Variants in ARHGAP8 observed in about 807,000 individuals in gnomAD.
ARHGAP8 encodes the protein Rho GTPase activating protein 8, also known as rho GTPase-activating protein 8.
A neutral mutation model predicts 46.1 loss-of-function variants in ARHGAP8; 62 were observed. The observed-to-expected ratio is 1.34, with a 90% CI of 1.10 to 1.66. The LOEUF is 1.66. ARHGAP8 is among the 40% of genes most tolerant of loss of function. ARHGAP8 has a pLI of 0.00. For missense variants in ARHGAP8, 923 were observed against 568.4 expected (o/e 1.62, Z -6.34); for synonymous variants, 375 against 243.1 (o/e 1.54, Z -5.05).
chr22:44,851,518 T>C (rs893241698), intron 10 of ARHGAP8, among the ~76,000 whole-genome samples: 2 of 152,082 alleles, frequency 1.3e-5, no homozygotes, highest in African/African-American at 4.8e-5. Flanking sequence ...GGAACCTTTA[T>C]GAAAATGAAG....
chr22:44,816,898 T>G (rs1929790986), intron 5 of ARHGAP8, among the ~76,000 whole-genome samples: 1 of 150,446 alleles, frequency 6.6e-6, no homozygotes, highest in South Asian at 2.1e-4. Flanking sequence ...TTTTTTTTTT[T>G]TTTTGAGACG....
chr22:44,771,798 AC>A (rs1477753961), intron 1 of ARHGAP8, among the ~76,000 whole-genome samples: 8 of 150,772 alleles, frequency 5.3e-5, no homozygotes, highest in Admixed American at 5.3e-4. Flanking sequence ...CAGGTGATCC[AC>A]CCGCCTCGGC....
At chr22:44,811,457 A>G (rs963714856) in intron 4 of ARHGAP8, among the ~76,000 whole-genome samples, 3 of 152,230 alleles carry the variant, frequency 2.0e-5, no homozygotes, top group Non-Finnish European at 4.4e-5. Flanking sequence ...AACCTTGGCC[A>G]GAGGGGACTA....
chr22:44,859,074 C>T (rs575897657), intron 10 of ARHGAP8, among the ~76,000 whole-genome samples: 5 of 150,778 alleles, frequency 3.3e-5, no homozygotes, highest in Admixed American at 2.6e-4. Context: ...GTTTGCCAAC[C>T]CCTGGTCTAG....
Position 44,847,977 on chromosome 22 carries a change from G to A in ARHGAP8, c.675G>A (p.Leu225=). ...FTVTYLREKG[L]RTEGLFRRSA... Reference sequence around the variant, plus strand: ...CTGGAAGCTCCTCTCCTGCAGGCCTGCGCACCGAGGGCCTGTTCCGGAGAT... The same window carrying A: ...CTGGAAGCTCCTCTCCTGCAGGCCTACGCACCGAGGGCCTGTTCCGGAGAT... Residue 225 remains leucine, a synonymous_variant, in exon 9 of 12, where the codon CTG becomes CTA. Transcript: ENST00000356099. The A allele has an allele frequency of 6.2e-7, 1 of 1,607,388 alleles. No individual in the cohort carries two copies.
At chr22:44,821,001 T>C (rs1207899459) in intron 5 of ARHGAP8, among the ~76,000 whole-genome samples, 1 of 151,968 alleles carries the variant, frequency 6.6e-6, no homozygotes, top group Non-Finnish European at 1.5e-5. Context: ...TTTCACAAAA[T>C]AAACGACATT....
intron 7 of ARHGAP8, among the ~76,000 whole-genome samples, chr22:44,827,141 A>C (rs967049985): frequency 2.0e-5 from 3 of 151,996 alleles, no homozygotes; most frequent in African/African-American, 7.3e-5. Flanking sequence ...TCAGAGTCAG[A>C]GAGGAGATGT....
chr22:44,780,303 G>C (rs533259647), intron 1 of ARHGAP8, among the ~76,000 whole-genome samples: 1 of 152,096 alleles, frequency 6.6e-6, no homozygotes, highest in Non-Finnish European at 1.5e-5. Flanking sequence ...GCTGCAGTGA[G>C]CTGTGATTGC....
intron 7 of ARHGAP8, among the ~76,000 whole-genome samples, chr22:44,830,063 G>A (rs566214070): frequency 1.2e-4 from 17 of 143,592 alleles, no homozygotes; most frequent in Non-Finnish European, 2.2e-4. Flanking sequence ...TCACTCTGTC[G>A]CCCAGGCTGG....
chr22:44,822,410 G>T lies in ARHGAP8; in HGVS notation c.426G>T (p.Leu142=). 6.3e-7 allele frequency: 1 copy of T among 1,583,146 alleles called. No homozygotes were observed. The highest frequency in any genetic ancestry group is 8.5e-7 in the Non-Finnish European group (1 of 1,170,186). ...AGAAAGTCATCTATTTCAACTACCT[G>T]AGTGAGCTCCACGAACACCTTAAAT... ...FGKKVIYFNY[L]SELHEHLKYD... The change falls in exon 6 of 12, where the codon CTG becomes CTT. Residue 142 remains leucine, a synonymous_variant. Transcript: ENST00000356099.
In ARHGAP8 at chr22:44,787,762, C is replaced by T. The variant is rs556922518; in HGVS notation, c.79+1156C>T. Among the ~76,000 whole-genome samples the T allele has an allele frequency of 2.6e-5, 4 of 152,144 alleles. No individual in the cohort carries two copies. In the East Asian group the frequency reaches 7.7e-4, roughly 29 times the overall value. On this transcript the variant is annotated intron_variant, in intron 2 of 11. Coordinates refer to ENST00000356099, the MANE Select transcript of ARHGAP8 (RefSeq NM_181335.3). Reference sequence around the variant, plus strand: ...ATCATTAGCTGTCATCTCTGAGGGGCCTGGAATCTTGTCAAGGTAATAATA... The same window carrying T: ...ATCATTAGCTGTCATCTCTGAGGGGTCTGGAATCTTGTCAAGGTAATAATA...
rs6007347 is a variant in ARHGAP8, at chr22:44,862,620, G to A, written c.*25G>A. 4.1e-5 allele frequency: 62 copies of A among 1,530,296 alleles called. No individual in the cohort carries two copies. The highest frequency in any genetic ancestry group is 6.3e-5 in the South Asian group (5 of 79,570). The allele number at this position is 1,530,296 out of a possible 1,614,324, so 94.8% of individuals were successfully genotyped here. ...GTGTTGCGAACACTCTGTATATTTC[G>A]AGCTACCTCCCACACCTGTCTGTGC... On this transcript the variant is annotated 3_prime_UTR_variant, in exon 12 of 12. Transcript: ENST00000356099.
At chr22:44,840,669 G>A (rs368922533) in intron 7 of ARHGAP8, among the ~76,000 whole-genome samples, 7 of 149,838 alleles carry the variant, frequency 4.7e-5, no homozygotes, top group African/African-American at 1.7e-4. Flanking sequence ...GACGTGGACC[G>A]CCTCTGTGTG....
chr22:44,814,906 G>A (rs1255588698), intron 5 of ARHGAP8, 148 bp downstream of exon 5: 1 of 908,952 alleles, frequency 1.1e-6, no homozygotes, highest in Non-Finnish European at 1.6e-6. Flanking sequence ...CCTGGGGTCT[G>A]CGGGGGGTCA....
intron 1 of ARHGAP8, among the ~76,000 whole-genome samples, chr22:44,770,175 C>A (rs1343943912): frequency 6.6e-6 from 1 of 151,942 alleles, no homozygotes; most frequent in Non-Finnish European, 1.5e-5. Flanking sequence ...ACCCAGGAGG[C>A]GGAGGTTACC....
Position 44,859,884 on chromosome 22 carries a change from C to A in ARHGAP8, c.981+50C>A, listed in dbSNP as rs190956892. The A allele has an allele frequency of 2.3e-5, 36 of 1,594,964 alleles. No individual in the cohort carries two copies. In the East Asian group the frequency reaches 4.5e-4, roughly 20 times the overall value. ...GGGTGAAGCCCAGTGGCCTTCCCTC[C>A]CATGCTGGGCCCGCATGGACCAGTC... On this transcript the variant is annotated intron_variant, in intron 11 of 11. Coordinates refer to ENST00000356099, the MANE Select transcript of ARHGAP8 (RefSeq NM_181335.3).
chr22:44,778,566 T>C (rs1022324211), intron 1 of ARHGAP8, among the ~76,000 whole-genome samples: 1 of 152,246 alleles, frequency 6.6e-6, no homozygotes, highest in Admixed American at 6.5e-5. Flanking sequence ...CTGGATCAAA[T>C]GGTAGTTCTA....
At chr22:44,816,502 G>A (rs576178015) in intron 5 of ARHGAP8, among the ~76,000 whole-genome samples, 2 of 152,212 alleles carry the variant, frequency 1.3e-5, no homozygotes, top group East Asian at 1.9e-4. Context: ...GCAAGCACTG[G>A]TCCTTGGGCA....
intron 8 of ARHGAP8, among the ~76,000 whole-genome samples, chr22:44,845,552 G>C (rs1181808083): frequency 3.9e-5 from 6 of 152,046 alleles, no homozygotes; most frequent in South Asian, 2.1e-4. Flanking sequence ...GTGACCTGGG[G>C]CAGTTACCCT....
Sources: gnomAD v4.1 joint callset for allele counts (sites outside exome capture counted in the v4.1 genomes callset) on GRCh38, gnomAD v4.1.1 for gene constraint, MANE v1.5 for transcripts, NCBI Gene and HGNC (gene_info 2026-07-23, HGNC 2026-07-21) for gene names.